Variants in MAD1L1 observed in about 807,000 individuals in gnomAD.
MAD1L1 encodes mitotic arrest deficient 1 like 1.
MAD1L1 carries 95 observed loss-of-function variants against 96.9 expected under a neutral mutation model. That is an observed-to-expected ratio of 0.98 (90% CI 0.83 to 1.16). The LOEUF is 1.16. Among genes scored for constraint, MAD1L1 ranks in the 50% most tolerant of loss-of-function variants. The probability of loss-of-function intolerance (pLI) is 0.00; values close to 1 mark genes in which losing one functional copy is unlikely to be tolerated. For synonymous variants in MAD1L1, 473 were observed against 396.6 expected (o/e 1.19, Z -2.29); for missense variants, 1,007 against 954.4 (o/e 1.06, Z -0.73).
At chr7:2,094,928 A>G (rs1786406908) in intron 11 of MAD1L1, among the ~76,000 whole-genome samples, 1 of 152,224 alleles carries the variant, frequency 6.6e-6, no homozygotes, top group African/African-American at 2.4e-5. Flanking sequence ...TGCCGTGTTC[A>G]TGGATAATTT....
rs377681060 is a variant in MAD1L1, at chr7:2,141,681, A to AC, written c.1073+7470dup. ...AAATGTACAGGCCTGGTACCCACCCACCCCCGCTGAGGAGGCCCCACGAGG... is the reference window on the plus strand; with the variant it reads ...AAATGTACAGGCCTGGTACCCACCCACCCCCCGCTGAGGAGGCCCCACGAGG... On this transcript the variant is annotated intron_variant, in intron 11 of 18. Coordinates refer to ENST00000265854, the MANE Select transcript of MAD1L1 (RefSeq NM_001013836.2). 2.2e-3 allele frequency among the ~76,000 whole-genome samples: 330 copies of AC among 151,466 alleles called. 1 individual carries two copies. The highest frequency in any genetic ancestry group is 7.6e-3 in the African/African-American group (312 of 41,226).
chr7:1,899,614 G>C (rs758781074), intron 17 of MAD1L1, among the ~76,000 whole-genome samples: 1 of 151,968 alleles, frequency 6.6e-6, no homozygotes, highest in African/African-American at 2.4e-5. Flanking sequence ...GGCAGCGCCC[G>C]GGGGGAGGCT....
intron 16 of MAD1L1, among the ~76,000 whole-genome samples, chr7:1,942,177 G>A (rs760417963): frequency 6.6e-6 from 1 of 152,202 alleles, no homozygotes; most frequent in Admixed American, 6.5e-5. Context: ...GTGAATACAG[G>A]GGTGGAGCTG....
chr7:2,034,623 A>C (rs116905230), intron 12 of MAD1L1, among the ~76,000 whole-genome samples: 1 of 152,356 alleles, frequency 6.6e-6, no homozygotes, highest in East Asian at 1.9e-4. Flanking sequence ...ATAAAATGTC[A>C]CAAGTGCAGG....
intron 18 of MAD1L1, among the ~76,000 whole-genome samples, chr7:1,867,345 C>CG (rs1554277465): frequency 1.3e-5 from 2 of 152,020 alleles, no homozygotes; most frequent in Non-Finnish European, 2.9e-5. Context: ...TCCGCAGGAC[C>CG]CCCCCGGAAG....
intron 18 of MAD1L1, among the ~76,000 whole-genome samples, chr7:1,894,038 C>A (rs552686861): frequency 5.9e-5 from 9 of 152,348 alleles, no homozygotes; most frequent in Admixed American, 2.0e-4. Flanking sequence ...ACTGCCCTCT[C>A]CATAAGCCAG....
At chr7:1,978,233 C>T (rs994636867) in intron 15 of MAD1L1, among the ~76,000 whole-genome samples, 1 of 152,236 alleles carries the variant, frequency 6.6e-6, no homozygotes, top group Non-Finnish European at 1.5e-5. Context: ...CCTGGGCTGC[C>T]CTTCTGGGCC....
intron 14 of MAD1L1, among the ~76,000 whole-genome samples, chr7:1,988,590 G>A (rs535473464): frequency 1.6e-4 from 24 of 152,330 alleles, no homozygotes; most frequent in African/African-American, 5.8e-4. Flanking sequence ...CGGTGGCTGT[G>A]AAGCAGCAGC....
At chr7:2,195,590 G>C (rs1431458474) in intron 10 of MAD1L1, among the ~76,000 whole-genome samples, 2 of 152,240 alleles carry the variant, frequency 1.3e-5, no homozygotes, top group Non-Finnish European at 2.9e-5. Flanking sequence ...AGGACTGTTT[G>C]ATTCCATGAA....
At chr7:2,086,584 G>T (rs3778953) in intron 11 of MAD1L1, among the ~76,000 whole-genome samples, 1 of 152,074 alleles carries the variant, frequency 6.6e-6, no homozygotes, top group Non-Finnish European at 1.5e-5. Flanking sequence ...ACAAAGTCTC[G>T]TTCTTGTCCC....
intron 5 of MAD1L1, chr7:2,220,747 T>C: frequency 4.1e-6 from 4 of 973,256 alleles, no homozygotes; most frequent in Non-Finnish European, 5.8e-6. Context: ...GCTCCCCACA[T>C]GCCCACAATA....
At chr7:2,089,717 A>C (rs1264489922) in intron 11 of MAD1L1, among the ~76,000 whole-genome samples, 1 of 149,272 alleles carries the variant, frequency 6.7e-6, no homozygotes, top group African/African-American at 2.5e-5. Context: ...CACTTCCAAC[A>C]CCTGTCCCCG....
intron 10 of MAD1L1, among the ~76,000 whole-genome samples, chr7:2,151,785 A>G (rs1182076493): frequency 6.6e-6 from 1 of 152,222 alleles, no homozygotes; most frequent in Non-Finnish European, 1.5e-5. Context: ...GAAAAGTGAC[A>G]GTGACAGAGC....
intron 11 of MAD1L1, among the ~76,000 whole-genome samples, chr7:2,110,916 G>A (rs565049680): frequency 3.2e-4 from 48 of 152,168 alleles, no homozygotes; most frequent in African/African-American, 1.0e-3. Flanking sequence ...ATGACGGCGC[G>A]GGCAAACCCT....
At chr7:1,872,483 A>G (rs1216576874) in intron 18 of MAD1L1, among the ~76,000 whole-genome samples, 1 of 152,150 alleles carries the variant, frequency 6.6e-6, no homozygotes, top group Non-Finnish European at 1.5e-5. Flanking sequence ...CCTCCTGTTC[A>G]TGTCTAGCCC....
At chr7:1,818,613 C>G (rs925713939) in intron 18 of MAD1L1, among the ~76,000 whole-genome samples, 1 of 83,866 alleles carries the variant, frequency 1.2e-5, no homozygotes, top group Non-Finnish European at 2.5e-5. Context: ...AAACTCCTGG[C>G]CTGGCTGGTC....
rs538910046 is a variant in MAD1L1 at position 1,867,343 on chromosome 7, A to ACCC, written c.1998+30854_1998+30856dup. ...AAGAGGTGCTGGCTGCCTCCGCAGGACCCCCCCGGAAGATGTAGAGGAGAG... is the reference window on the plus strand; with the variant it reads ...AAGAGGTGCTGGCTGCCTCCGCAGGACCCCCCCCCCGGAAGATGTAGAGGAGAG... On this transcript the variant is annotated intron_variant, in intron 18 of 18. Transcript: ENST00000265854. Among the ~76,000 whole-genome samples, 1,291 of 151,692 alleles carry ACCC rather than the reference A, an allele frequency of 8.5e-3. 18 individuals carry two copies. The highest frequency in any genetic ancestry group is 0.03 in the African/African-American group (1,242 of 41,272).
rs138507040 is a variant in MAD1L1 at position 2,046,151 on chromosome 7, C to T, written c.1218+23043G>A. On this transcript the variant is annotated intron_variant, in intron 12 of 18. Coordinates refer to ENST00000265854, the MANE Select transcript of MAD1L1 (RefSeq NM_001013836.2). ...GCCTCTCCTGGGATGCGGGTGGTGG[C>T]GCAGGCCCCACGCCCCAGGTGGACT... Among the ~76,000 whole-genome samples, 607 of 152,234 alleles carry T rather than the reference C, an allele frequency of 4.0e-3. 4 individuals carry two copies. The highest frequency in any genetic ancestry group is 6.6e-3 in the Non-Finnish European group (449 of 67,978).
chr7:1,902,178 C>T (rs1324410707), intron 17 of MAD1L1, among the ~76,000 whole-genome samples: 1 of 152,188 alleles, frequency 6.6e-6, no homozygotes, highest in South Asian at 2.1e-4. Flanking sequence ...ACACCTGCCT[C>T]CTCCTGGAAT....
Sources: allele counts gnomAD v4.1 joint callset (sites outside exome capture counted in the v4.1 genomes callset), GRCh38; gene constraint gnomAD v4.1.1; transcripts MANE v1.5; gene names NCBI Gene and HGNC (gene_info 2026-07-23, HGNC 2026-07-21).